Variants in AGO3 observed in about 807,000 individuals in gnomAD.
AGO3 encodes the protein protein argonaute-3.
AGO3 carries 16 observed loss-of-function variants against 105.5 expected under a neutral mutation model. That is an observed-to-expected ratio of 0.15 (90% confidence interval 0.10 to 0.23). The LOEUF (loss-of-function observed/expected upper bound fraction) is 0.23. Ranked by LOEUF, AGO3 falls within the 10% of genes least tolerant of loss-of-function variation. AGO3 has a pLI of 1.00. For missense variants in AGO3, 534 were observed against 1,088.0 expected (o/e 0.49, Z 7.16); for synonymous variants, 340 against 367.3 (o/e 0.93, Z 0.85).
chr1:35,979,538 T>A (rs1002699162), intron 5 of AGO3, among the ~76,000 whole-genome samples: 1 of 152,194 alleles, frequency 6.6e-6, no homozygotes, highest in East Asian at 1.9e-4. Flanking sequence ...TTATGTTGCT[T>A]ATGTCATTTA....
chr1:35,942,971 A>AG (rs1215457982), intron 1 of AGO3, among the ~76,000 whole-genome samples: 2 of 152,102 alleles, frequency 1.3e-5, no homozygotes, highest in African/African-American at 4.8e-5. Context: ...GTGGAATCAT[A>AG]TAAATTATAT....
At chr1:36,007,968 T>C (rs988961890) in intron 6 of AGO3, among the ~76,000 whole-genome samples, 7 of 152,286 alleles carry the variant, frequency 4.6e-5, no homozygotes, top group Admixed American at 3.9e-4. Context: ...ATCCAAGAAC[T>C]CCTAAAATCA....
At chr1:35,988,688 G>A (rs188318955) in intron 5 of AGO3, among the ~76,000 whole-genome samples, 7 of 151,972 alleles carry the variant, frequency 4.6e-5, no homozygotes, top group Admixed American at 3.9e-4. Flanking sequence ...GTCGATGGTC[G>A]CTTAGGTTGT....
Position 36,063,102 on chromosome 1 carries a change from G to A in AGO3, c.*7357G>A, listed in dbSNP as rs1271984557. 6.6e-6 allele frequency: 1 copy of A among 152,048 alleles called. No homozygotes were observed. The allele number at this position is 152,048 out of a possible 1,614,324, so 9.4% of individuals were successfully genotyped here. A position where few individuals can be genotyped will look rare whatever the true frequency, so the allele number is the denominator to read the frequency against. ...AGTGTTAATATACCAACCAAACTAC[G>A]AATTCCATAAACTCTAGAGTTTGGA... On this transcript the variant is annotated 3_prime_UTR_variant, in exon 19 of 19. Transcript: ENST00000373191.
At chr1:36,029,735 C>T (rs1473888956) in intron 12 of AGO3, among the ~76,000 whole-genome samples, 4 of 146,782 alleles carry the variant, frequency 2.7e-5, no homozygotes, top group Admixed American at 1.4e-4. Flanking sequence ...CTCTGTTGCC[C>T]AGGCTGGAGT....
chr1:36,048,208 C>T (rs1055567071), intron 17 of AGO3, among the ~76,000 whole-genome samples: 2 of 151,828 alleles, frequency 1.3e-5, no homozygotes, highest in African/African-American at 4.8e-5. Flanking sequence ...CATGTGAGCT[C>T]AGGAGGCAGA....
intron 2 of AGO3, among the ~76,000 whole-genome samples, chr1:35,952,885 G>C (rs1447609244): frequency 6.6e-6 from 1 of 152,136 alleles, no homozygotes; most frequent in African/African-American, 2.4e-5. Context: ...ATGCATAACT[G>C]TACTTTATTC....
chr1:35,941,761 G>A (rs1194061746), intron 1 of AGO3, among the ~76,000 whole-genome samples: 1 of 152,194 alleles, frequency 6.6e-6, no homozygotes, highest in African/African-American at 2.4e-5. Context: ...GGGAGGCCAA[G>A]GTGGGCAGAT....
At chr1:36,037,040 CTGT>C (rs1440727824) in intron 14 of AGO3, among the ~76,000 whole-genome samples, 1 of 150,154 alleles carries the variant, frequency 6.7e-6, no homozygotes, top group Non-Finnish European at 1.5e-5. Context: ...TAACATCTGC[CTGT>C]TATTTCTTTG....
chr1:36,037,720 A>G (rs1396322655), intron 14 of AGO3, among the ~76,000 whole-genome samples: 1 of 152,196 alleles, frequency 6.6e-6, no homozygotes, highest in African/African-American at 2.4e-5. Flanking sequence ...TTGTATTTTT[A>G]ATGTTATACA....
In AGO3 at chr1:36,069,441, C is replaced by T. The variant is rs1021345842; in HGVS notation, c.*13696C>T. On this transcript the variant is annotated 3_prime_UTR_variant, in exon 19 of 19. Coordinates refer to ENST00000373191, the MANE Select transcript of AGO3 (RefSeq NM_024852.4). ...TGTTTGCGGAAGCATTTGAGTTCTC[C>T]AAAGGAAAAGCTATTCAGACGTTCA... 6 of 152,136 alleles carry T rather than the reference C, an allele frequency of 3.9e-5. No homozygotes were observed. Among genetic ancestry groups the T allele is most frequent in the African/African-American group, 1.2e-4 (5 of 41,430 alleles). 9.4% of individuals were successfully genotyped at this position (152,136 alleles called of 1,614,324 possible).
intron 2 of AGO3, among the ~76,000 whole-genome samples, chr1:35,957,784 A>G (rs1204007741): frequency 6.6e-6 from 1 of 152,140 alleles, no homozygotes; most frequent in Non-Finnish European, 1.5e-5. Context: ...ATTTTGGCCA[A>G]GTGCAGTGGC....
intron 6 of AGO3, among the ~76,000 whole-genome samples, chr1:36,005,485 G>A (rs1640296192): frequency 1.3e-5 from 2 of 152,148 alleles, no homozygotes; most frequent in Non-Finnish European, 2.9e-5. Context: ...GCCAAAGTAA[G>A]AAACTGTTTA....
intron 2 of AGO3, among the ~76,000 whole-genome samples, chr1:35,952,557 C>A (rs568516855): frequency 6.6e-6 from 1 of 152,292 alleles, no homozygotes; most frequent in East Asian, 1.9e-4. Context: ...TATTCAGGCA[C>A]TGCATAACTT....
At chr1:35,944,544 C>CT (rs761797350) in intron 1 of AGO3, among the ~76,000 whole-genome samples, 6,608 of 105,438 alleles carry the variant, frequency 0.063, 609 homozygotes, top group African/African-American at 0.18. Context: ...ATTTTATTTA[C>CT]TTTTTTTTTT....
chr1:36,016,117 G>A (rs1640890463), intron 11 of AGO3, among the ~76,000 whole-genome samples: 1 of 152,180 alleles, frequency 6.6e-6, no homozygotes, highest in Non-Finnish European at 1.5e-5. Context: ...GTAATTGATT[G>A]GCTAAAACTC....
intron 5 of AGO3, among the ~76,000 whole-genome samples, chr1:36,002,828 C>T (rs1378092655): frequency 6.6e-6 from 1 of 152,110 alleles, no homozygotes; most frequent in Non-Finnish European, 1.5e-5. Context: ...TCGTGATCCT[C>T]CCGCCTCGGC....
At chr1:35,938,617 A>AG (rs1646197260) in intron 1 of AGO3, among the ~76,000 whole-genome samples, 1 of 152,136 alleles carries the variant, frequency 6.6e-6, no homozygotes, top group Admixed American at 6.5e-5. Flanking sequence ...TCTCATTGAT[A>AG]GTGGTTTAGA....
chr1:35,950,754 T>G (rs781671457), intron 2 of AGO3, among the ~76,000 whole-genome samples: 25 of 152,284 alleles, frequency 1.6e-4, no homozygotes, highest in Middle Eastern at 3.4e-3. Flanking sequence ...TTCTGTAACT[T>G]GAGATTTTAT....
Sources: allele counts gnomAD v4.1 joint callset (sites outside exome capture counted in the v4.1 genomes callset), GRCh38; gene constraint gnomAD v4.1.1; transcripts MANE v1.5; gene names NCBI Gene and HGNC (gene_info 2026-07-23, HGNC 2026-07-21).